Variants in NPHP1 observed in about 807,000 individuals in gnomAD.
NPHP1 encodes nephrocystin-1.
Under a neutral mutation model 90.4 loss-of-function variants are expected in NPHP1, and 70 were observed. That is an observed-to-expected ratio of 0.77 (90% confidence interval 0.64 to 0.95). The LOEUF (loss-of-function observed/expected upper bound fraction) is 0.95. Ranked by LOEUF, NPHP1 falls within the 40% of genes least tolerant of loss-of-function variation. The probability of loss-of-function intolerance (pLI) is 0.00; values close to 1 mark genes in which losing one functional copy is unlikely to be tolerated. For synonymous variants in NPHP1, 256 were observed against 271.7 expected (o/e 0.94, Z 0.57); for missense variants, 764 against 795.9 (o/e 0.96, Z 0.48).
intron 14 of NPHP1, among the ~76,000 whole-genome samples, chr2:110,146,031 T>C (rs1350453569): frequency 1.3e-5 from 2 of 152,228 alleles, no homozygotes; most frequent in Non-Finnish European, 2.9e-5. Flanking sequence ...AAATTCAGAC[T>C]TGGAGATGTT....
rs144433906 is a variant in NPHP1, at chr2:110,139,678, TG to T, written c.1529+3863del. Among the ~76,000 whole-genome samples the T allele has an allele frequency of 1.1e-3, 169 of 152,328 alleles. 4 individuals are homozygous for T. The East Asian group carries it at 0.031, about 28-fold the overall frequency. On this transcript the variant is annotated intron_variant, in intron 16 of 19. Coordinates refer to ENST00000445609, the MANE Select transcript of NPHP1 (RefSeq NM_001128178.3). Reference sequence around the variant, plus strand: ...AAACTCTAACTAGGCTTTCTGCCCTTGGCCTTGTCTCCACTGTCTCATGTCC... The same window carrying T: ...AAACTCTAACTAGGCTTTCTGCCCTTGCCTTGTCTCCACTGTCTCATGTCC...
At chr2:110,168,430 G>T in intron 6 of NPHP1, 22 bp downstream of exon 6, 1 of 1,455,026 alleles carries the variant, frequency 6.9e-7, no homozygotes, top group Non-Finnish European at 9.6e-7. Flanking sequence ...CTTAGAAAAG[G>T]AAGGCATAAA....
chr2:110,127,515 C>T (rs1351632302), intron 18 of NPHP1: 1 of 152,136 alleles, frequency 6.6e-6, no homozygotes, highest in East Asian at 1.9e-4. Flanking sequence ...CAATACCTCT[C>T]TGGAATATAT....
chr2:110,138,384 A>G (rs1680370734), intron 16 of NPHP1, among the ~76,000 whole-genome samples: 1 of 152,164 alleles, frequency 6.6e-6, no homozygotes, highest in Admixed American at 6.5e-5. Context: ...ATTTCTAGAA[A>G]CATCTAAAAA....
At position 110,146,734 on chromosome 2, in the gene NPHP1, G is replaced by A. The variant is rs1681079261; in HGVS notation, c.1352+19C>T. On this transcript the variant is annotated intron_variant, in intron 14 of 19. Coordinates refer to ENST00000445609, the MANE Select transcript of NPHP1 (RefSeq NM_001128178.3). ...TTTTACAGAAGTATTCATTCGTTAG[G>A]AATATATAGCCAACTTACTTTGCTG... is the stretch of plus-strand genomic sequence containing the variant. 2 of 1,562,766 alleles carry A rather than the reference G, an allele frequency of 1.3e-6. No homozygotes were observed. Among genetic ancestry groups the A allele is most frequent in the East Asian group, 2.2e-5 (1 of 44,616 alleles).
At chr2:110,178,186 C>T in intron 4 of NPHP1, 1 of 523,784 alleles carries the variant, frequency 1.9e-6, no homozygotes, top group East Asian at 3.0e-5. Flanking sequence ...TTTCAGATCT[C>T]TGTTTTGTTT....
chr2:110,144,423 G>A, intron 15 of NPHP1, 70 bp downstream of exon 15: 4 of 959,952 alleles, frequency 4.2e-6, no homozygotes, highest in Admixed American at 3.5e-5. Context: ...TTATTAGAAT[G>A]TAGCTACCTC....
chr2:110,170,673 T>C (rs1358525510), intron 4 of NPHP1, among the ~76,000 whole-genome samples: 1 of 151,928 alleles, frequency 6.6e-6, no homozygotes, highest in East Asian at 1.9e-4. Flanking sequence ...AATAGTGCAA[T>C]AGGTACTAGA....
intron 1 of NPHP1, 66 bp downstream of exon 1, chr2:110,204,834 G>C: frequency 1.3e-6 from 2 of 1,530,302 alleles, no homozygotes; most frequent in African/African-American, 2.7e-5. Flanking sequence ...CGGTGGGAAG[G>C]CGCAGTGCGC....
At chr2:110,162,773 A>G (rs1046425254) in intron 9 of NPHP1, among the ~76,000 whole-genome samples, 2 of 152,058 alleles carry the variant, frequency 1.3e-5, no homozygotes, top group Non-Finnish European at 2.9e-5. Context: ...AAGGTGGGCC[A>G]GCTAAAGACA....
At chr2:110,136,001 T>G (rs1052321557) in intron 16 of NPHP1, among the ~76,000 whole-genome samples, 4 of 152,136 alleles carry the variant, frequency 2.6e-5, no homozygotes, top group African/African-American at 9.7e-5. Flanking sequence ...ATCCCTGGGA[T>G]GCAAGACTGG....
chr2:110,184,231 G>A, intron 2 of NPHP1: 1 of 576,436 alleles, frequency 1.7e-6, no homozygotes, highest in Middle Eastern at 3.0e-4. Context: ...ATCTTCATTG[G>A]CTTCAAAGCC....
Position 110,184,928 on chromosome 2 carries a change from A to AAGTCAGACATGGACCTGC in NPHP1, c.144-5262_144-5245dup, listed in dbSNP as rs1326263381. Reference sequence around the variant, plus strand: ...CAAGGTCCTGGTGTTCGCCATCCAGAAGTCAGACATGGACCTGCAGTTCAC... The same window carrying AAGTCAGACATGGACCTGC: ...CAAGGTCCTGGTGTTCGCCATCCAGAAGTCAGACATGGACCTGCAGTCAGACATGGACCTGCAGTTCAC... On this transcript the variant is annotated intron_variant, in intron 2 of 19. Coordinates refer to ENST00000445609, the MANE Select transcript of NPHP1 (RefSeq NM_001128178.3). 111 of 681,652 alleles carry AAGTCAGACATGGACCTGC rather than the reference A, an allele frequency of 1.6e-4. 1 individual carries two copies. Among genetic ancestry groups the AAGTCAGACATGGACCTGC allele is most frequent in the Middle Eastern group, 5.5e-4 (2 of 3,640 alleles). 42.2% of individuals were successfully genotyped at this position (681,652 alleles called of 1,614,324 possible). A position where few individuals can be genotyped will look rare whatever the true frequency, so the allele number is the denominator to read the frequency against.
At chr2:110,132,389 T>G (rs13421489) in intron 16 of NPHP1, among the ~76,000 whole-genome samples, 46,059 of 152,120 alleles carry the variant, frequency 0.3, 7,684 homozygotes, top group East Asian at 0.56. Context: ...GCATGGTGGC[T>G]CACACCTGTA....
chr2:110,184,223 C>A, intron 2 of NPHP1: 1 of 572,132 alleles, frequency 1.7e-6, no homozygotes. Context: ...AAGGTGACAT[C>A]TTCATTGGCT....
chr2:110,129,266 T>C lies in NPHP1; in HGVS notation c.1643-7A>G, dbSNP rs1679603032. 2 of 1,609,826 alleles carry C rather than the reference T, an allele frequency of 1.2e-6. No individual in the cohort carries two copies. Among genetic ancestry groups the C allele is most frequent in the African/African-American group, 1.3e-5 (1 of 74,850 alleles). On this transcript the variant is annotated splice_polypyrimidine_tract_variant and splice_region_variant and intron_variant, in intron 17 of 19. Coordinates refer to ENST00000445609, the MANE Select transcript of NPHP1 (RefSeq NM_001128178.3). ...ATGGGATGGCTAATTAAATCTGAAA[T>C]GCAAAACAACAGAAAGAATTTTATG...
chr2:110,162,884 G>T (rs1410917643), intron 9 of NPHP1, among the ~76,000 whole-genome samples, 164 bp downstream of exon 9: 1 of 152,160 alleles, frequency 6.6e-6, no homozygotes, highest in Admixed American at 6.5e-5. Context: ...TAGGATCAGG[G>T]ATCTTTCCTC....
intron 6 of NPHP1, among the ~76,000 whole-genome samples, chr2:110,167,633 G>A (rs773433605): frequency 1.2e-4 from 18 of 152,050 alleles, no homozygotes; most frequent in Non-Finnish European, 2.5e-4. Flanking sequence ...TGAGTTCTGT[G>A]AATCATTCTA....
chr2:110,125,437 C>A, intron 19 of NPHP1, 200 bp downstream of exon 19: 2 of 1,193,190 alleles, frequency 1.7e-6, no homozygotes, highest in Non-Finnish European at 2.4e-6. Context: ...CTGTCTTGAA[C>A]AAGTATTCCT....
Sources: gnomAD v4.1 joint callset for allele counts (sites outside exome capture counted in the v4.1 genomes callset) on GRCh38, gnomAD v4.1.1 for gene constraint, MANE v1.5 for transcripts, NCBI Gene and HGNC (gene_info 2026-07-23, HGNC 2026-07-21) for gene names.